Variants in KCNK9 observed in about 807,000 individuals in gnomAD.
KCNK9 encodes potassium channel subfamily K member 9.
KCNK9 carries 1 observed loss-of-function variant against 10.8 expected under a neutral mutation model. That is an observed-to-expected ratio of 0.09 (90% CI 0.03 to 0.44). The LOEUF (loss-of-function observed/expected upper bound fraction) is 0.44, where lower values mean the gene tolerates loss of function less well. KCNK9 is among the 20% of genes least tolerant of loss of function. The probability of loss-of-function intolerance (pLI) is 0.97; values close to 1 mark genes in which losing one functional copy is unlikely to be tolerated. For synonymous variants in KCNK9, 231 were observed against 222.7 expected, an observed-to-expected ratio of 1.04 and a Z score of -0.33; for missense variants, 303 against 515.0, an observed-to-expected ratio of 0.59 and a Z score of 3.98.
intron 1 of KCNK9, among the ~76,000 whole-genome samples, chr8:139,624,862 G>A (rs746422727): frequency 5.3e-5 from 8 of 152,206 alleles, no homozygotes; most frequent in Non-Finnish European, 1.2e-4. Flanking sequence ...CTGGAAAGGG[G>A]ACAGTCATTG....
chr8:139,614,290 C>G (rs971135047), downstream of KCNK9, among the ~76,000 whole-genome samples: 1 of 152,218 alleles, frequency 6.6e-6, no homozygotes, highest in Non-Finnish European at 1.5e-5. Context: ...AGCTGAGATT[C>G]ATCAATCTCC....
intron 1 of KCNK9, among the ~76,000 whole-genome samples, chr8:139,644,715 T>TCCCC (rs10577985): frequency 4.5e-5 from 6 of 132,398 alleles, no homozygotes; most frequent in Admixed American, 1.6e-4. Flanking sequence ...TCCTGCCCTG[T>TCCCC]CCCCCCCCCC....
Position 139,691,548 on chromosome 8 carries a change from A to G in KCNK9, c.283+11162T>C, listed in dbSNP as rs915531469. Among the ~76,000 whole-genome samples the G allele has an allele frequency of 5.9e-5, 9 of 152,296 alleles. No individual in the cohort carries two copies. In the South Asian group the frequency reaches 1.9e-3, roughly 32 times the overall value. ...ACAGCCAGCAAACCCTTAAAGGAGGATCTCACAGAATCCACACACACAGAG... is the reference window on the plus strand; with the variant it reads ...ACAGCCAGCAAACCCTTAAAGGAGGGTCTCACAGAATCCACACACACAGAG... On this transcript the variant is annotated intron_variant, in intron 1 of 1. Transcript: ENST00000520439.
Position 139,618,481 on chromosome 8 carries a change from C to G in KCNK9, c.902G>C (p.Cys301Ser). Reference protein sequence around the residue: ...PDLQSVCSCTCYRSQDYGGRS... With the variant: ...PDLQSVCSCTSYRSQDYGGRS... ...GCCGCCATAGTCCTGCGAGCGGTAG[C>G]AGGTGCAGGAGCACACAGACTGCAG... Residue 301 changes from cysteine to serine, a missense_variant, in exon 2 of 2, where the codon TGC becomes TCC. By Grantham distance (112) the Cys-to-Ser change is moderately radical (BLOSUM62 -1). Coordinates refer to ENST00000520439, the MANE Select transcript of KCNK9 (RefSeq NM_001282534.2). The surrounding 1 kb of genome is among the most constrained non-coding windows in gnomAD (Gnocchi z 7.9). 6.2e-7 allele frequency: 1 copy of G among 1,613,912 alleles called. No individual in the cohort carries two copies. Among genetic ancestry groups the G allele is most frequent in the South Asian group, 1.1e-5 (1 of 91,084 alleles).
chr8:139,638,776 G>A (rs141089146), intron 1 of KCNK9, among the ~76,000 whole-genome samples: 4 of 152,188 alleles, frequency 2.6e-5, no homozygotes, highest in Non-Finnish European at 5.9e-5. Context: ...CACCCGCTGT[G>A]GGATGGCTTC....
intron 1 of KCNK9, among the ~76,000 whole-genome samples, chr8:139,644,160 C>A (rs59878319): frequency 0.064 from 9,816 of 152,238 alleles, 1,039 homozygotes; most frequent in African/African-American, 0.22. Flanking sequence ...CCCCATCATC[C>A]CTGTCCAACT....
chr8:139,657,276 C>T (rs770235422), intron 1 of KCNK9, among the ~76,000 whole-genome samples: 2 of 152,212 alleles, frequency 1.3e-5, no homozygotes, highest in Non-Finnish European at 2.9e-5. Context: ...CTTAACTTCT[C>T]ATGGGTCTGG....
At chr8:139,628,182 G>A (rs377716942) in intron 1 of KCNK9, among the ~76,000 whole-genome samples, 3 of 152,080 alleles carry the variant, frequency 2.0e-5, no homozygotes, top group African/African-American at 7.2e-5. Flanking sequence ...GAGGCGAGTG[G>A]GGGTCAGTGA....
intron 1 of KCNK9, among the ~76,000 whole-genome samples, chr8:139,691,757 A>T (rs1035110612): frequency 6.6e-6 from 1 of 152,212 alleles, no homozygotes; most frequent in African/African-American, 2.4e-5. Flanking sequence ...TAAAGAGAAA[A>T]GGGGCTCTGA....
At chr8:139,637,343 A>G (rs1195158660) in intron 1 of KCNK9, among the ~76,000 whole-genome samples, 1 of 152,282 alleles carries the variant, frequency 6.6e-6, no homozygotes, top group Admixed American at 6.5e-5. Context: ...ACCAAGTGCC[A>G]TAAGGATGTT....
Position 139,703,080 on chromosome 8 carries a change from G to C in KCNK9, c.-88C>G. The C allele has an allele frequency of 8.3e-7, 1 of 1,202,732 alleles. No homozygotes were observed. Among genetic ancestry groups the C allele is most frequent in the Non-Finnish European group, 1.0e-6 (1 of 953,532 alleles). The allele number at this position is 1,202,732 out of a possible 1,614,324, so 74.5% of individuals were successfully genotyped here. On this transcript the variant is annotated 5_prime_UTR_variant, in exon 1 of 2. Coordinates refer to ENST00000520439, the MANE Select transcript of KCNK9 (RefSeq NM_001282534.2). The surrounding 1 kb of genome is among the most constrained non-coding windows in gnomAD (Gnocchi z 6.4). ...ACTGCAGCGCCCGGCGGCCGCCGCC[G>C]CCTCCTCCTCCGCCGCCGCCGCCGC... is the stretch of plus-strand genomic sequence containing the variant.
chr8:139,645,172 G>A (rs983834352), intron 1 of KCNK9, among the ~76,000 whole-genome samples: 5 of 152,212 alleles, frequency 3.3e-5, no homozygotes, highest in Non-Finnish European at 7.3e-5. Flanking sequence ...CCAGAGTGGA[G>A]CACTGGGAGG....
At chr8:139,638,981 T>G (rs1226306597) in intron 1 of KCNK9, among the ~76,000 whole-genome samples, 4 of 151,854 alleles carry the variant, frequency 2.6e-5, no homozygotes, top group Admixed American at 6.6e-5. Context: ...TGATCCCCAT[T>G]CTCGTGCCTT....
At chr8:139,657,872 T>C (rs919894928) in intron 1 of KCNK9, among the ~76,000 whole-genome samples, 43 of 152,210 alleles carry the variant, frequency 2.8e-4, no homozygotes, top group African/African-American at 1.0e-3. Flanking sequence ...CCCACCCACA[T>C]CACCCCCATC....
At position 139,693,268 on chromosome 8, in the gene KCNK9, G is replaced by A. The variant is rs188001690; in HGVS notation, c.283+9442C>T. ...CCCTGCAGACTCACAGAGGCCTGGCGCCAGCAGCTGGCCTTGGGGACCAAG... is the reference window on the plus strand; with the variant it reads ...CCCTGCAGACTCACAGAGGCCTGGCACCAGCAGCTGGCCTTGGGGACCAAG... On this transcript the variant is annotated intron_variant, in intron 1 of 1. Transcript: ENST00000520439. This position sits in a 1 kb window ranked among gnomAD's most constrained non-coding sequence, Gnocchi z 4.1. 1.5e-4 allele frequency among the ~76,000 whole-genome samples: 23 copies of A among 152,194 alleles called. No individual in the cohort carries two copies. Among genetic ancestry groups the A allele is most frequent in the Middle Eastern group, 6.8e-3 (2 of 292 alleles).
At chr8:139,610,082 G>A (rs1205426658), downstream of KCNK9, among the ~76,000 whole-genome samples, 4 of 152,070 alleles carry the variant, frequency 2.6e-5, no homozygotes, top group African/African-American at 7.2e-5. Flanking sequence ...CCCTCCCTCA[G>A]CCTCCACCAC....
intron 1 of KCNK9, among the ~76,000 whole-genome samples, chr8:139,638,846 T>C (rs1815414435): frequency 6.6e-6 from 1 of 152,220 alleles, no homozygotes; most frequent in Admixed American, 6.5e-5. Context: ...TCATCCGCTC[T>C]GCCTGTTTAA....
At chr8:139,634,361 A>C (rs1393346775) in intron 1 of KCNK9, among the ~76,000 whole-genome samples, 1 of 152,162 alleles carries the variant, frequency 6.6e-6, no homozygotes, top group African/African-American at 2.4e-5. Context: ...AGGCATCCAG[A>C]TGCACCTGTG....
intron 1 of KCNK9, among the ~76,000 whole-genome samples, chr8:139,624,255 C>T (rs1216817021): frequency 6.6e-6 from 1 of 152,210 alleles, no homozygotes; most frequent in Non-Finnish European, 1.5e-5. Flanking sequence ...GATGGTCACA[C>T]GGAGTCAGGC....
Sources: allele counts gnomAD v4.1 joint callset (sites outside exome capture counted in the v4.1 genomes callset), GRCh38; gene constraint gnomAD v4.1.1; non-coding constraint Gnocchi (gnomAD v3.1); transcripts MANE v1.5; gene names NCBI Gene and HGNC (gene_info 2026-07-23, HGNC 2026-07-21).